C6orf89: variants seen among roughly 807,000 people sequenced by gnomAD.
The protein encoded by C6orf89 is bombesin receptor-activated protein C6orf89.
Under a neutral mutation model 40.7 loss-of-function variants are expected in C6orf89, and 29 were observed. The ratio of observed to expected loss-of-function variants is 0.71; its 90% CI spans 0.53 to 0.97. The LOEUF is 0.97. C6orf89 is among the 50% of genes least tolerant of loss of function. The pLI is 0.00. For missense variants in C6orf89, 392 were observed against 429.1 expected, an observed-to-expected ratio of 0.91 and a Z score of 0.76; for synonymous variants, 165 against 152.2, an observed-to-expected ratio of 1.08 and a Z score of -0.62.
intron 1 of C6orf89, among the ~76,000 whole-genome samples, chr6:36,890,861 A>C (rs1391682400): frequency 6.6e-6 from 1 of 152,162 alleles, no homozygotes; most frequent in African/African-American, 2.4e-5. Flanking sequence ...GTAAATTTTA[A>C]GCATTTATTG....
chr6:36,912,518 G>A (rs1184455171), intron 4 of C6orf89, among the ~76,000 whole-genome samples: 1 of 152,152 alleles, frequency 6.6e-6, no homozygotes, highest in Non-Finnish European at 1.5e-5. Flanking sequence ...ATTTGACACT[G>A]AATAAGAAGC....
intron 4 of C6orf89, among the ~76,000 whole-genome samples, chr6:36,908,483 C>G (rs189801485): frequency 3.2e-4 from 49 of 152,210 alleles, no homozygotes; most frequent in African/African-American, 1.1e-3. Flanking sequence ...AGTAATATTT[C>G]TCATCTCTAT....
chr6:36,909,364 T>C (rs927385210), intron 4 of C6orf89, among the ~76,000 whole-genome samples: 3 of 152,190 alleles, frequency 2.0e-5, no homozygotes, highest in African/African-American at 7.2e-5. Flanking sequence ...TTATACCAGC[T>C]TATACTTTCA....
At chr6:36,874,525 C>A (rs1229932482) in intron 1 of C6orf89, among the ~76,000 whole-genome samples, 1 of 152,234 alleles carries the variant, frequency 6.6e-6, no homozygotes, top group African/African-American at 2.4e-5. Context: ...GACCTCAGCA[C>A]AAGACCCCGC....
rs772840762 is a variant in C6orf89 at position 36,916,465 on chromosome 6, C to G, written c.716C>G (p.Ser239Ter). ...TACAGGAGGAGACCTCTGAACAGATCACAAATGTTACGTGAGCTTTTTCCT... is the reference window on the plus strand; with the variant it reads ...TACAGGAGGAGACCTCTGAACAGATGACAAATGTTACGTGAGCTTTTTCCT... ...PYPWRRPLNR[S>*]QMLRELFPVF... The change falls in exon 7 of 9, where the codon TCA (serine) becomes TGA (stop). Residue 239 changes from serine (S) to a stop codon, truncating the protein, a stop_gained. Transcript: ENST00000480824. LOFTEE classifies it high-confidence loss of function. The G allele has an allele frequency of 6.2e-7, 1 of 1,614,088 alleles. No individual in the cohort carries two copies. The highest frequency in any genetic ancestry group is 1.3e-5 in the African/African-American group (1 of 74,928).
chr6:36,910,982 T>A (rs1762105677), intron 4 of C6orf89, among the ~76,000 whole-genome samples: 1 of 152,208 alleles, frequency 6.6e-6, no homozygotes, highest in South Asian at 2.1e-4. Context: ...TTAAATTCTC[T>A]TTTTAGTACT....
In C6orf89 at chr6:36,925,030, T is replaced by G. The variant is rs1383151676; in HGVS notation, c.*1589T>G. On this transcript the variant is annotated 3_prime_UTR_variant, in exon 9 of 9. Coordinates refer to ENST00000480824, the MANE Select transcript of C6orf89 (RefSeq NM_001286635.2). ...AACATCAGAGCCTCCTCCACGGGCT[T>G]CAGTGAAACTCCGATGAACTGTACC... 1 of 151,710 alleles carries G rather than the reference T, an allele frequency of 6.6e-6. No individual in the cohort carries two copies. Among genetic ancestry groups the G allele is most frequent in the Non-Finnish European group, 1.5e-5 (1 of 68,032 alleles). 9.4% of individuals were successfully genotyped at this position (151,710 alleles called of 1,614,324 possible).
At chr6:36,902,708 A>G (rs1348817847) in intron 4 of C6orf89, among the ~76,000 whole-genome samples, 5 of 152,228 alleles carry the variant, frequency 3.3e-5, no homozygotes, top group Admixed American at 2.6e-4. Flanking sequence ...GATGGGGACA[A>G]ATGTCTTTGC....
chr6:36,901,950 C>T (rs1047530101), intron 3 of C6orf89, among the ~76,000 whole-genome samples: 11 of 152,176 alleles, frequency 7.2e-5, no homozygotes, highest in African/African-American at 4.8e-5. Context: ...GGATTACAGG[C>T]GAGAGCCACC....
Position 36,880,373 on chromosome 6 carries a change from G to T in C6orf89, c.-503+1241G>T, listed in dbSNP as rs116554565. Among the ~76,000 whole-genome samples the T allele has an allele frequency of 3.5e-3, 539 of 152,148 alleles. 1 individual carries two copies. Among genetic ancestry groups the T allele is most frequent in the Non-Finnish European group, 5.5e-3 (372 of 68,010 alleles). ...AACCAATTAAGAAACTTAAAAACTG[G>T]CAAAAGAAAAATCTTACAACTACTA... On this transcript the variant is annotated intron_variant, in intron 2 of 9. Coordinates refer to the C6orf89 transcript ENST00000359359.
Position 36,886,029 on chromosome 6 carries a change from G to T in C6orf89, c.-120+1G>T. 2 of 1,256,746 alleles carry T rather than the reference G, an allele frequency of 1.6e-6. No homozygotes were observed. Among genetic ancestry groups the T allele is most frequent in the Non-Finnish European group, 2.0e-6 (2 of 997,682 alleles). The allele number at this position is 1,256,746 out of a possible 1,614,324, so 77.8% of individuals were successfully genotyped here. ...AGCCCGAGGGGCGCGAGCCCCGCAT[G>T]TGAGTGACTGGGGCCCGAGGCTGGG... On this transcript the variant is annotated splice_donor_variant, in intron 1 of 8. Coordinates refer to ENST00000480824, the MANE Select transcript of C6orf89 (RefSeq NM_001286635.2). LOFTEE classifies it low-confidence loss of function (5UTR_SPLICE).
At chr6:36,905,726 C>T (rs557415861) in intron 4 of C6orf89, among the ~76,000 whole-genome samples, 22 of 152,308 alleles carry the variant, frequency 1.4e-4, no homozygotes, top group African/African-American at 5.3e-4. Context: ...AGTCACTTTA[C>T]TCCTGCCGGC....
In C6orf89 at chr6:36,927,137, C is replaced by T. The variant is rs1762707170; in HGVS notation, c.*3696C>T. On this transcript the variant is annotated 3_prime_UTR_variant, in exon 9 of 9. Transcript: ENST00000480824. ...TCTCCACATTCTTCCAGATGTGTGA[C>T]AGAGGAGGGACTCTGCTCAATTCCA... 1 of 152,232 alleles carries T rather than the reference C, an allele frequency of 6.6e-6. No individual in the cohort carries two copies. Among genetic ancestry groups the T allele is most frequent in the Admixed American group, 6.5e-5 (1 of 15,276 alleles). 9.4% of individuals were successfully genotyped at this position (152,232 alleles called of 1,614,324 possible). A position where few individuals can be genotyped will look rare whatever the true frequency, so the allele number is the denominator to read the frequency against.
chr6:36,914,524 T>TTG, intron 5 of C6orf89, 30 bp from the exon 6 acceptor site: 1 of 1,611,772 alleles, frequency 6.2e-7, no homozygotes, highest in Non-Finnish European at 8.5e-7. Flanking sequence ...TAACTCTGTG[T>TTG]TGTTTTGTTT....
At chr6:36,878,772 A>G (rs1328104533) in intron 1 of C6orf89, among the ~76,000 whole-genome samples, 1 of 152,216 alleles carries the variant, frequency 6.6e-6, no homozygotes, top group East Asian at 1.9e-4. Context: ...CGAATGTTCA[A>G]ATTGCATTCA....
chr6:36,908,700 G>A (rs1175191042), intron 4 of C6orf89, among the ~76,000 whole-genome samples: 2 of 152,110 alleles, frequency 1.3e-5, no homozygotes, highest in Admixed American at 1.3e-4. Context: ...AGCATCACAG[G>A]CCGAGCAGCT....
intron 1 of C6orf89, among the ~76,000 whole-genome samples, chr6:36,878,344 T>C (rs1476130178): frequency 6.6e-6 from 1 of 152,220 alleles, no homozygotes; most frequent in Non-Finnish European, 1.5e-5. Context: ...AGTATTTTGT[T>C]TGCAGATTTC....
intron 4 of C6orf89, among the ~76,000 whole-genome samples, chr6:36,913,594 T>A (rs1036847263): frequency 2.0e-5 from 3 of 152,250 alleles, no homozygotes; most frequent in African/African-American, 7.2e-5. Flanking sequence ...TGTAGACGTT[T>A]CAGCCATATG....
chr6:36,896,997 G>A (rs969990888), intron 2 of C6orf89, among the ~76,000 whole-genome samples: 5 of 151,742 alleles, frequency 3.3e-5, no homozygotes, highest in African/African-American at 9.7e-5. Flanking sequence ...GGGCGTGGTG[G>A]TGGGTACCTG....
Sources: allele counts gnomAD v4.1 joint callset (sites outside exome capture counted in the v4.1 genomes callset), GRCh38; gene constraint gnomAD v4.1.1; transcripts MANE v1.5; gene names NCBI Gene and HGNC (gene_info 2026-07-23, HGNC 2026-07-21).